PLEKHH3: variants seen among roughly 807,000 people sequenced by gnomAD.
The protein encoded by PLEKHH3 is pleckstrin homology domain-containing family H member 3.
Under a neutral mutation model 77.8 loss-of-function variants are expected in PLEKHH3, and 57 were observed. That is an observed-to-expected ratio of 0.73 (90% CI 0.59 to 0.91). The LOEUF is 0.91. PLEKHH3 is among the 40% of genes least tolerant of loss of function. The pLI, the probability that PLEKHH3 is intolerant of heterozygous loss-of-function variation, is 0.00. For missense variants in PLEKHH3, 1,082 were observed against 1,091.2 expected, an observed-to-expected ratio of 0.99 and a Z score of 0.12; for synonymous variants, 467 against 504.8, an observed-to-expected ratio of 0.93 and a Z score of 1.00.
Position 42,669,985 on chromosome 17 carries a change from T to C in PLEKHH3, c.1946A>G (p.Tyr649Cys), listed in dbSNP as rs1209785731. The C allele has an allele frequency of 3.7e-6, 6 of 1,609,388 alleles. No homozygotes were observed. Among genetic ancestry groups the C allele is most frequent in the Non-Finnish European group, 5.1e-6 (6 of 1,179,004 alleles). Residue 649 changes from tyrosine (Y) to cysteine (C), a missense_variant, in exon 11 of 13, where the codon TAC (tyrosine) becomes TGC (cysteine). Around this residue, in one of 3 missense-constraint regions of PLEKHH3, gnomAD observed 733 missense variants for 750.0 expected, o/e 0.98. Coordinates refer to ENST00000591022, the MANE Select transcript of PLEKHH3 (RefSeq NM_024927.5). ...CGGACACTGCGCCGCCAGGGCCAGG[T>C]AGGCGGCCATGGCCTCAGCTCGGCC... The part of the protein sequence containing the change: ...GMGRAEAMAA[Y>C]LALAAQCPGF...
chr17:42,670,801 G>T, intron 9 of PLEKHH3, 96 bp from the exon 10 acceptor site: 1 of 1,520,846 alleles, frequency 6.6e-7, no homozygotes, highest in Non-Finnish European at 8.9e-7. Flanking sequence ...TTGGGGCGGG[G>T]CCTGGGCGGA....
chr17:42,669,176 C>T, intron 12 of PLEKHH3: 2 of 374,110 alleles, frequency 5.3e-6, no homozygotes, highest in East Asian at 4.1e-5. Flanking sequence ...TTAAATGGCA[C>T]CCTTTTTGAG....
In PLEKHH3 at chr17:42,670,044, G is replaced by C. The variant is rs999318873; in HGVS notation, c.1887C>G (p.Ala629=). The change falls in exon 11 of 13, where the codon GCC becomes GCG. Residue 629 remains alanine (A), a synonymous_variant. Transcript: ENST00000591022. ...EGGGGAGTAA[A]VLGGWKRLRG... is the part of the protein sequence containing the mutation. Reference sequence around the variant, plus strand: ...GTAGCCGCTTCCAGCCGCCCAGCACGGCAGCTGCCGTGCCGGCGCCGCCTC... The same window carrying C: ...GTAGCCGCTTCCAGCCGCCCAGCACCGCAGCTGCCGTGCCGGCGCCGCCTC... 10 of 1,520,822 alleles carry C rather than the reference G, an allele frequency of 6.6e-6. No individual in the cohort carries two copies. The East Asian group carries it at 1.6e-4, about 24-fold the overall frequency. The allele number at this position is 1,520,822 out of a possible 1,614,324, so 94.2% of individuals were successfully genotyped here. A position where few individuals can be genotyped will look rare whatever the true frequency, so the allele number is the denominator to read the frequency against.
intron 2 of PLEKHH3, 114 bp from the exon 3 acceptor site, chr17:42,674,127 G>A: frequency 1.6e-6 from 2 of 1,225,724 alleles, no homozygotes; most frequent in East Asian, 2.5e-5. Flanking sequence ...CCCTCCCCCA[G>A]GCTGTGGGAA....
chr17:42,674,318 G>A, intron 2 of PLEKHH3, 36 bp downstream of exon 2: 1 of 1,539,598 alleles, frequency 6.5e-7, no homozygotes. Context: ...AACATGCTGG[G>A]GTCGCCAGAC....
Position 42,674,406 on chromosome 17 carries a change from G to T in PLEKHH3, c.166C>A (p.Pro56Thr). The T allele has an allele frequency of 6.3e-7, 1 of 1,590,184 alleles. No individual in the cohort carries two copies. Among genetic ancestry groups the T allele is most frequent in the Non-Finnish European group, 8.5e-7 (1 of 1,169,694 alleles). Reference sequence around the variant, plus strand: ...GGCTGAGTCAGCGTCACTTCCAGGGGACCCTGGGGAGACAGGCGGGGAAGC... The same window carrying T: ...GGCTGAGTCAGCGTCACTTCCAGGGTACCCTGGGGAGACAGGCGGGGAAGC... ...TPSPAGGGRG[P>T]LEVTLTQPVR... Residue 56 changes from proline (P) to threonine (T), a missense_variant, in exon 2 of 13, where the codon CCC becomes ACC. Physicochemically the swap from Pro to Thr is conservative, Grantham distance 38 (BLOSUM62 -1). Transcript: ENST00000591022.
chr17:42,670,672 C>G lies in PLEKHH3; in HGVS notation c.1455G>C (p.Ser485=). The change falls in exon 10 of 13, where the codon TCG becomes TCC. Residue 485 remains serine, a synonymous_variant. Transcript: ENST00000591022. ...LAAEEAGLED[S]PDSGWRLCLR... is the part of the protein sequence containing the mutation. ...GACATAGTCTCCACCCGGAGTCGGG[C>G]GAGTCCTCCAACCCAGCTTCCTCCG... is the stretch of plus-strand genomic sequence containing the variant. 1.2e-6 allele frequency: 2 copies of G among 1,613,062 alleles called. No individual in the cohort carries two copies. Among genetic ancestry groups the G allele is most frequent in the Non-Finnish European group, 8.5e-7 (1 of 1,179,820 alleles).
At chr17:42,669,296 C>A in intron 12 of PLEKHH3, 134 bp downstream of exon 12, 2 of 849,862 alleles carry the variant, frequency 2.4e-6, no homozygotes, top group Non-Finnish European at 3.3e-6. Flanking sequence ...AGTGTAAGCT[C>A]CTTCAGCTTG....
Position 42,671,480 on chromosome 17 carries a change from G to A in PLEKHH3, c.1155C>T (p.Gly385=). The A allele has an allele frequency of 6.2e-7, 1 of 1,613,130 alleles. No individual in the cohort carries two copies. Among genetic ancestry groups the A allele is most frequent in the Non-Finnish European group, 8.5e-7 (1 of 1,179,998 alleles). The change falls in exon 8 of 13, where the codon GGC becomes GGT. Residue 385 remains glycine (G), a synonymous_variant. Coordinates refer to ENST00000591022, the MANE Select transcript of PLEKHH3 (RefSeq NM_024927.5). The surrounding 1 kb of genome is among the most constrained non-coding windows in gnomAD (Gnocchi z 4.7). Reference sequence around the variant, plus strand: ...CCGCCAGCGAGGGCACCAGCTCTCTGCCGCGCGTCCGGCCCAGCGCTTTCC... The same window carrying A: ...CCGCCAGCGAGGGCACCAGCTCTCTACCGCGCGTCCGGCCCAGCGCTTTCC... ...FIRKALGRTR[G]RELVPSLAEI...
Position 42,668,286 on chromosome 17 carries a change from C to G in PLEKHH3, c.2223G>C (p.Gln741His), listed in dbSNP as rs756708971. The G allele has an allele frequency of 5.8e-6, 9 of 1,551,764 alleles. No individual in the cohort carries two copies. Among genetic ancestry groups the G allele is most frequent in the Non-Finnish European group, 6.9e-6 (8 of 1,157,432 alleles). The change falls in exon 13 of 13, where the codon CAG becomes CAC. Residue 741 changes from glutamine (Q) to histidine (H), a missense_variant. Coordinates refer to ENST00000591022, the MANE Select transcript of PLEKHH3 (RefSeq NM_024927.5). Reference protein sequence around the residue: ...LQSPQVEEIMQLVNAYLANPS... With the variant: ...LQSPQVEEIMHLVNAYLANPS... Reference sequence around the variant, plus strand: ...GGTTGGCCAAGTAGGCATTCACCAGCTGCATGATCTCTTCCACCTAAGAGA... The same window carrying G: ...GGTTGGCCAAGTAGGCATTCACCAGGTGCATGATCTCTTCCACCTAAGAGA...
intron 1 of PLEKHH3, among the ~76,000 whole-genome samples, chr17:42,675,081 GT>G (rs945568720): frequency 6.6e-6 from 1 of 152,184 alleles, no homozygotes; most frequent in Non-Finnish European, 1.5e-5. Flanking sequence ...GGCAGGTGTA[GT>G]TCAGGGTTTT....
rs1374226371 is a variant in PLEKHH3 at position 42,671,789 on chromosome 17, G to C, written c.1077-231C>G. Reference sequence around the variant, plus strand: ...GCCTCCACCACTTCCAAAAGTCTTCGTGATCTTCCTTCGGCCTGAAATCGA... The same window carrying C: ...GCCTCCACCACTTCCAAAAGTCTTCCTGATCTTCCTTCGGCCTGAAATCGA... On this transcript the variant is annotated intron_variant, in intron 7 of 12. Transcript: ENST00000591022. This position sits in a 1 kb window ranked among gnomAD's most constrained non-coding sequence, Gnocchi z 4.7. Among the ~76,000 whole-genome samples the C allele has an allele frequency of 2.6e-5, 4 of 152,230 alleles. No homozygotes were observed. The East Asian group carries it at 7.7e-4, about 29-fold the overall frequency.
At chr17:42,674,261 C>T in intron 2 of PLEKHH3, 93 bp downstream of exon 2, 1 of 1,422,044 alleles carries the variant, frequency 7.0e-7, no homozygotes, top group South Asian at 1.4e-5. Flanking sequence ...GGGCCTCTCC[C>T]TTATTGCACA....
At chr17:42,672,905 A>C (rs1403669114) in intron 6 of PLEKHH3, among the ~76,000 whole-genome samples, 2 of 152,302 alleles carry the variant, frequency 1.3e-5, no homozygotes, top group East Asian at 3.9e-4. Context: ...CAAGAGGATA[A>C]TGAAAAAATA....
Position 42,673,965 on chromosome 17 carries a change from C to T in PLEKHH3, c.267G>A (p.Leu89=), listed in dbSNP as rs1567961896. 2 of 1,613,544 alleles carry T rather than the reference C, an allele frequency of 1.2e-6. No homozygotes were observed. Among genetic ancestry groups the T allele is most frequent in the Non-Finnish European group, 1.7e-6 (2 of 1,179,920 alleles). The change falls in exon 3 of 13, where the codon CTG becomes CTA. Residue 89 remains leucine, a synonymous_variant. Coordinates refer to ENST00000591022, the MANE Select transcript of PLEKHH3 (RefSeq NM_024927.5). ...CAACGATGTCCGGGTCGTCCTCCGG[C>T]AGCCCTTTCTCCGGGATGAGGCTCC... ...ETWSLIPEKG[L]PEDDPDIVVK...
Position 42,673,576 on chromosome 17 carries a change from G to C in PLEKHH3, c.491-20C>G. The C allele has an allele frequency of 6.3e-7, 1 of 1,588,370 alleles. No individual in the cohort carries two copies. Among genetic ancestry groups the C allele is most frequent in the Non-Finnish European group, 8.5e-7 (1 of 1,170,458 alleles). ...ACAGACCTGGGGAAAAGAGAGGCCAGGGAGGGCCATTAGGGTCTGCCGGGG... is the reference window on the plus strand; with the variant it reads ...ACAGACCTGGGGAAAAGAGAGGCCACGGAGGGCCATTAGGGTCTGCCGGGG... On this transcript the variant is annotated intron_variant, in intron 4 of 12. Transcript: ENST00000591022.
rs1289041864 is a variant in PLEKHH3 at position 42,670,342 on chromosome 17, G to A, written c.1589C>T (p.Pro530Leu). The A allele has an allele frequency of 1.4e-6, 2 of 1,401,232 alleles. No homozygotes were observed. Among genetic ancestry groups the A allele is most frequent in the Admixed American group, 3.2e-5 (1 of 30,888 alleles). The allele number at this position is 1,401,232 out of a possible 1,614,324, so 86.8% of individuals were successfully genotyped here. Reference protein sequence around the residue: ...HALLLRGRPPPPDDTLRALAA... With the variant: ...HALLLRGRPPLPDDTLRALAA... ...CAGGGCGCGCAGCGTGTCGTCGGGTGGGGGCGGCCGGCCCCGCAGCAGCAG... is the reference window on the plus strand; with the variant it reads ...CAGGGCGCGCAGCGTGTCGTCGGGTAGGGGCGGCCGGCCCCGCAGCAGCAG... The change falls in exon 11 of 13, where the codon CCA becomes CTA. Residue 530 changes from proline (P) to leucine (L), a missense_variant. By Grantham distance (98) the Pro-to-Leu change is moderately conservative. This residue lies in a region of PLEKHH3 where 733 missense variants were observed against 750.0 expected (regional missense o/e 0.98). Transcript: ENST00000591022.
In PLEKHH3 at chr17:42,670,104, GGCCCCGCCGCGCCGGGCCC is replaced by G; in HGVS notation, c.1808_1826del (p.Arg603ProfsTer61). The stretch of plus-strand genomic sequence containing the variant: ...GGGCAATGCTTCCCGCAGTGCGGCC[GGCCCCGCCGCGCCGGGCCC>G]GCTCCGCCCGCCTCTTGGCCAGGCC... On this transcript the variant is annotated frameshift_variant, in exon 11 of 13. Transcript: ENST00000591022. LOFTEE classifies it high-confidence loss of function. The G allele has an allele frequency of 9.8e-6, 13 of 1,327,982 alleles. No homozygotes were observed. The highest frequency in any genetic ancestry group is 2.1e-5 in the South Asian group (1 of 48,460). The allele number at this position is 1,327,982 out of a possible 1,614,324, so 82.3% of individuals were successfully genotyped here. A position where few individuals can be genotyped will look rare whatever the true frequency, so the allele number is the denominator to read the frequency against.
chr17:42,671,461 G>T lies in PLEKHH3; in HGVS notation c.1174C>A (p.Leu392Met), dbSNP rs777533244. 1 of 1,613,188 alleles carries T rather than the reference G, an allele frequency of 6.2e-7. No individual in the cohort carries two copies. Among genetic ancestry groups the T allele is most frequent in the Non-Finnish European group, 8.5e-7 (1 of 1,180,014 alleles). The change falls in exon 8 of 13, where the codon CTG becomes ATG. Residue 392 changes from leucine to methionine, a missense_variant. Coordinates refer to ENST00000591022, the MANE Select transcript of PLEKHH3 (RefSeq NM_024927.5). This position sits in a 1 kb window ranked among gnomAD's most constrained non-coding sequence, Gnocchi z 4.7. ...TGGCTCAACGCGGAAATCTCCGCCA[G>T]CGAGGGCACCAGCTCTCTGCCGCGC... ...RTRGRELVPS[L>M]AEISALSQRQ...
Sources: allele counts gnomAD v4.1 joint callset (sites outside exome capture counted in the v4.1 genomes callset), GRCh38; gene constraint gnomAD v4.1.1; regional missense constraint gnomAD v4.1.1; non-coding constraint Gnocchi (gnomAD v3.1); transcripts MANE v1.5; gene names NCBI Gene and HGNC (gene_info 2026-07-23, HGNC 2026-07-21).